Variants in BLM observed in about 807,000 individuals in gnomAD.
BLM encodes BLM RecQ like helicase.
BLM carries 95 observed loss-of-function variants against 135.3 expected under a neutral mutation model. The ratio of observed to expected loss-of-function variants is 0.70; its 90% CI spans 0.59 to 0.83. The LOEUF (loss-of-function observed/expected upper bound fraction) is 0.83, where lower values mean the gene tolerates loss of function less well. BLM is among the 40% of genes least tolerant of loss of function. The probability of loss-of-function intolerance (pLI) is 0.00; values close to 1 mark genes in which losing one functional copy is unlikely to be tolerated. For synonymous variants in BLM, 520 were observed against 589.2 expected (o/e 0.88, Z 1.70); for missense variants, 1,518 against 1,663.9 (o/e 0.91, Z 1.53).
chr15:90,810,724 T>A (rs1897394191), intron 20 of BLM, among the ~76,000 whole-genome samples: 1 of 152,236 alleles, frequency 6.6e-6, no homozygotes, highest in African/African-American at 2.4e-5. Context: ...GGATCTAGAA[T>A]TTTCTTATGT....
intron 13 of BLM, among the ~76,000 whole-genome samples, chr15:90,783,911 G>T (rs1299027919): frequency 1.3e-5 from 2 of 152,050 alleles, no homozygotes; most frequent in Non-Finnish European, 2.9e-5. Context: ...AGAAAATTTA[G>T]AAAGCAACAA....
intron 4 of BLM, among the ~76,000 whole-genome samples, chr15:90,752,202 G>A (rs1895706260): frequency 6.7e-6 from 1 of 148,352 alleles, no homozygotes; most frequent in Non-Finnish European, 1.5e-5. Context: ...TTTTGAGACA[G>A]TCTCGCTCTG....
intron 14 of BLM, among the ~76,000 whole-genome samples, chr15:90,789,429 C>T (rs563310797): frequency 6.6e-6 from 1 of 152,298 alleles, no homozygotes; most frequent in South Asian, 2.1e-4. Context: ...TGCACCTGGA[C>T]TTCATGGAAC....
chr15:90,750,095 T>C, intron 3 of BLM, 28 bp downstream of exon 3: 1 of 1,605,106 alleles, frequency 6.2e-7, no homozygotes, highest in Non-Finnish European at 8.5e-7. Context: ...TTCATTTTAG[T>C]ATGTTCATTG....
intron 19 of BLM, 71 bp downstream of exon 19, chr15:90,804,430 C>T: frequency 6.9e-7 from 1 of 1,451,390 alleles, no homozygotes; most frequent in Non-Finnish European, 9.7e-7. Flanking sequence ...CTAGGGAACT[C>T]CTTAAGTGAT....
intron 1 of BLM, among the ~76,000 whole-genome samples, chr15:90,740,939 C>G (rs1338567530): frequency 6.6e-6 from 1 of 152,164 alleles, no homozygotes; most frequent in East Asian, 1.9e-4. Flanking sequence ...ATTACCCACT[C>G]TCAGGTGTTT....
At chr15:90,747,787 G>GT (rs1270937751) in intron 2 of BLM, 3 of 333,566 alleles carry the variant, frequency 9.0e-6, no homozygotes, top group Admixed American at 4.5e-5. Flanking sequence ...GTTTTGGGGG[G>GT]TTTTTTTGTT....
chr15:90,811,662 C>T (rs1897424362), intron 21 of BLM, among the ~76,000 whole-genome samples: 1 of 152,118 alleles, frequency 6.6e-6, no homozygotes, highest in South Asian at 2.1e-4. Flanking sequence ...AGTTTTCTTT[C>T]TTTTTTTAAT....
chr15:90,723,750 A>T (rs1027969190), intron 1 of BLM, among the ~76,000 whole-genome samples: 2 of 152,134 alleles, frequency 1.3e-5, no homozygotes, highest in African/African-American at 4.8e-5. Flanking sequence ...AGATCTCTAG[A>T]ATGCGTTCAT....
chr15:90,782,994 A>G (rs1432165953), intron 13 of BLM, 66 bp downstream of exon 13: 2 of 1,270,206 alleles, frequency 1.6e-6, no homozygotes, highest in Non-Finnish European at 1.1e-6. Context: ...ACAATAAGAT[A>G]TATAAAATTG....
At chr15:90,720,345 C>T (rs1894732652) in intron 1 of BLM, among the ~76,000 whole-genome samples, 1 of 152,106 alleles carries the variant, frequency 6.6e-6, no homozygotes, top group Non-Finnish European at 1.5e-5. Context: ...ACTTTGTTCT[C>T]TGGAATGACA....
rs1225553532 is a variant in BLM, at chr15:90,760,744, C to A, written c.1371C>A (p.His457Gln). ...CTATGAAGGAGTTAAATTTTTCACACCTTCCCTCAAATTCTGTTTCTCCTG... is the reference window on the plus strand; with the variant it reads ...CTATGAAGGAGTTAAATTTTTCACAACTTCCCTCAAATTCTGTTTCTCCTG... Reference protein sequence around the residue: ...GNSMKELNFSHLPSNSVSPGD... With the variant: ...GNSMKELNFSQLPSNSVSPGD... Residue 457 changes from histidine (H) to glutamine (Q), a missense_variant, in exon 7 of 22, where the codon CAC becomes CAA. Transcript: ENST00000355112. 3.1e-6 allele frequency: 5 copies of A among 1,613,940 alleles called. No homozygotes were observed. Among genetic ancestry groups the A allele is most frequent in the Non-Finnish European group, 4.2e-6 (5 of 1,180,018 alleles).
At chr15:90,751,707 C>T (rs766937580) in intron 3 of BLM, 80 bp from the exon 4 acceptor site, 8 of 1,241,558 alleles carry the variant, frequency 6.4e-6, no homozygotes, top group Middle Eastern at 1.9e-4. Context: ...CAGAAGCACT[C>T]ATTCTTAATC....
chr15:90,809,659 T>C (rs1299237308), intron 20 of BLM, among the ~76,000 whole-genome samples: 1 of 152,246 alleles, frequency 6.6e-6, no homozygotes, highest in Non-Finnish European at 1.5e-5. Context: ...GACAAACATG[T>C]CTAAAGATAA....
chr15:90,804,111 G>C (rs891213503), intron 18 of BLM, 56 bp from the exon 19 acceptor site: 36 of 1,509,444 alleles, frequency 2.4e-5, no homozygotes, highest in Non-Finnish European at 3.1e-5. Flanking sequence ...TAAAGCCCCT[G>C]TATGGGTACA....
chr15:90,765,097 CT>C (rs927834604), intron 8 of BLM, among the ~76,000 whole-genome samples, 198 bp from the exon 9 acceptor site: 3 of 151,312 alleles, frequency 2.0e-5, no homozygotes, highest in Admixed American at 6.6e-5. Context: ...AAAAAAAACA[CT>C]TTTTTTTTAA....
chr15:90,799,744 T>TG (rs1897122094), intron 17 of BLM, among the ~76,000 whole-genome samples: 6 of 151,096 alleles, frequency 4.0e-5, no homozygotes, highest in Admixed American at 4.0e-4. Context: ...GGTTCAGTGA[T>TG]GGGGCCTGCA....
At chr15:90,766,778 T>C (rs1035797157) in intron 9 of BLM, 132 bp from the exon 10 acceptor site, 4 of 644,454 alleles carry the variant, frequency 6.2e-6, no homozygotes, top group Non-Finnish European at 2.7e-6. Context: ...TACATACTTG[T>C]TATGTTGAGA....
intron 5 of BLM, among the ~76,000 whole-genome samples, chr15:90,758,571 G>A (rs921498934): frequency 2.0e-5 from 3 of 152,142 alleles, no homozygotes; most frequent in Admixed American, 2.0e-4. Flanking sequence ...GAGTGGGCTG[G>A]CAGGATTCAG....
Sources: gnomAD v4.1 joint callset for allele counts (sites outside exome capture counted in the v4.1 genomes callset) on GRCh38, gnomAD v4.1.1 for gene constraint, MANE v1.5 for transcripts, NCBI Gene and HGNC (gene_info 2026-07-23, HGNC 2026-07-21) for gene names.